The following SHISA6 variants were observed in gnomAD, a reference collection of about 807,000 sequenced individuals.
SHISA6 encodes the protein shisa family member 6, also known as protein shisa-6.
SHISA6 carries 22 observed loss-of-function variants against 47.9 expected under a neutral mutation model. The ratio of observed to expected loss-of-function variants is 0.46; its 90% CI spans 0.33 to 0.66. The LOEUF is 0.66. Among genes scored for constraint, SHISA6 ranks in the 30% least tolerant of loss-of-function variants. The probability of loss-of-function intolerance (pLI) is 0.02; values close to 1 mark genes in which losing one functional copy is unlikely to be tolerated. For synonymous variants in SHISA6, 388 were observed against 337.8 expected (o/e 1.15, Z -1.63); for missense variants, 680 against 764.6 (o/e 0.89, Z 1.30).
At chr17:11,285,505 G>A (rs552026598) in intron 2 of SHISA6, among the ~76,000 whole-genome samples, 1 of 152,270 alleles carries the variant, frequency 6.6e-6, no homozygotes, top group East Asian at 1.9e-4. Flanking sequence ...TAATGATTTT[G>A]ACACCTTTTA....
At chr17:11,274,684 A>G (rs1908811507) in intron 2 of SHISA6, among the ~76,000 whole-genome samples, 1 of 152,210 alleles carries the variant, frequency 6.6e-6, no homozygotes, top group South Asian at 2.1e-4. Flanking sequence ...CCAACTGTGT[A>G]CTGAACACTT....
chr17:11,399,358 A>G (rs1025734120), intron 3 of SHISA6, among the ~76,000 whole-genome samples: 1 of 152,162 alleles, frequency 6.6e-6, no homozygotes, highest in African/African-American at 2.4e-5. Flanking sequence ...GTAGGACTCA[A>G]TATTGTGTCA....
chr17:11,405,757 C>T (rs762945019), intron 3 of SHISA6, among the ~76,000 whole-genome samples: 1 of 151,420 alleles, frequency 6.6e-6, no homozygotes, highest in Non-Finnish European at 1.5e-5. Flanking sequence ...GTCGAGACCA[C>T]GTTCTAGCCT....
At chr17:11,410,651 T>C (rs1914089022) in intron 3 of SHISA6, among the ~76,000 whole-genome samples, 1 of 152,150 alleles carries the variant, frequency 6.6e-6, no homozygotes, top group African/African-American at 2.4e-5. Flanking sequence ...ATCCCTTAGG[T>C]CCAGGACGCC....
chr17:11,548,440 C>CATATATATATATATATATAT (rs10578711), intron 3 of SHISA6, among the ~76,000 whole-genome samples: 1 of 148,554 alleles, frequency 6.7e-6, no homozygotes, highest in African/African-American at 2.5e-5. Context: ...ATGCATATTT[C>CATATATATATATATATATAT]ATATATATAT....
intron 3 of SHISA6, among the ~76,000 whole-genome samples, chr17:11,464,520 TG>T (rs1358769915): frequency 6.6e-6 from 1 of 152,176 alleles, no homozygotes; most frequent in Non-Finnish European, 1.5e-5. Context: ...TGCAGGCCCC[TG>T]TCTATACACA....
intron 2 of SHISA6, among the ~76,000 whole-genome samples, chr17:11,376,885 C>T (rs909111448): frequency 6.6e-6 from 1 of 152,138 alleles, no homozygotes; most frequent in Non-Finnish European, 1.5e-5. Context: ...ATTCTGGAGC[C>T]GGGACCCTGC....
chr17:11,468,553 T>C (rs916438686), intron 3 of SHISA6, among the ~76,000 whole-genome samples: 37 of 152,126 alleles, frequency 2.4e-4, no homozygotes, highest in Non-Finnish European at 4.9e-4. Context: ...CTGGGGATTA[T>C]TCCTGGAGAA....
chr17:11,253,187 G>A (rs916043773), intron 1 of SHISA6, among the ~76,000 whole-genome samples: 13 of 152,124 alleles, frequency 8.5e-5, no homozygotes, highest in African/African-American at 2.7e-4. Context: ...GTTCTGTCGA[G>A]CTGTGTTCCT....
At chr17:11,511,340 G>A (rs2071539841) in intron 3 of SHISA6, among the ~76,000 whole-genome samples, 1 of 152,006 alleles carries the variant, frequency 6.6e-6, no homozygotes, top group Admixed American at 6.6e-5. Context: ...AACGCATGAG[G>A]GACTTAAAAC....
At chr17:11,551,155 G>A (rs770057452) in intron 3 of SHISA6, among the ~76,000 whole-genome samples, 11 of 152,228 alleles carry the variant, frequency 7.2e-5, no homozygotes, top group Non-Finnish European at 1.3e-4. Context: ...TAGAATGCCA[G>A]AGTGCACTGT....
At chr17:11,421,460 T>G (rs1161346272) in intron 3 of SHISA6, among the ~76,000 whole-genome samples, 1 of 152,186 alleles carries the variant, frequency 6.6e-6, no homozygotes, top group Non-Finnish European at 1.5e-5. Flanking sequence ...GGCTTACAGC[T>G]CATACCATGA....
intron 2 of SHISA6, among the ~76,000 whole-genome samples, chr17:11,300,149 C>CAAAAAAAAAAAAAAAAGAAAAAA (rs1909874387): frequency 7.7e-6 from 1 of 129,162 alleles, no homozygotes. Context: ...CATCTTAAAA[C>CAAAAAAAAAAAAAAAAGAAAAAA]AAAAAAAAAA....
chr17:11,253,139 G>A (rs1300106678), intron 1 of SHISA6, among the ~76,000 whole-genome samples: 2 of 152,148 alleles, frequency 1.3e-5, no homozygotes, highest in Non-Finnish European at 2.9e-5. Flanking sequence ...GTCCACTGCT[G>A]TGTCTTCTCC....
chr17:11,529,576 G>A (rs1318210979), intron 3 of SHISA6, among the ~76,000 whole-genome samples: 1 of 152,144 alleles, frequency 6.6e-6, no homozygotes, highest in Admixed American at 6.5e-5. Context: ...TAATCTCTTT[G>A]AGCATATCCC....
At chr17:11,270,254 G>A (rs772428239) in intron 2 of SHISA6, among the ~76,000 whole-genome samples, 2 of 152,236 alleles carry the variant, frequency 1.3e-5, no homozygotes, top group Non-Finnish European at 1.5e-5. Context: ...GATTACAGGC[G>A]TGAGCCGCCG....
intron 3 of SHISA6, among the ~76,000 whole-genome samples, chr17:11,480,874 G>A (rs981650381): frequency 6.6e-6 from 1 of 152,104 alleles, no homozygotes. Flanking sequence ...AATTGTGACA[G>A]GTGTCTTATT....
chr17:11,300,983 C>G (rs1408501947), intron 2 of SHISA6, among the ~76,000 whole-genome samples: 1 of 151,922 alleles, frequency 6.6e-6, no homozygotes, highest in African/African-American at 2.4e-5. Context: ...AACAAACAGC[C>G]TTTAATACCA....
intron 3 of SHISA6, among the ~76,000 whole-genome samples, chr17:11,431,720 G>A (rs1168228238): frequency 6.6e-6 from 1 of 152,154 alleles, no homozygotes; most frequent in Non-Finnish European, 1.5e-5. Context: ...TTAAACCTAA[G>A]TTATTCAGTC....
Sources: gnomAD v4.1 joint callset for allele counts (sites outside exome capture counted in the v4.1 genomes callset) on GRCh38, gnomAD v4.1.1 for gene constraint, MANE v1.5 for transcripts, NCBI Gene and HGNC (gene_info 2026-07-23, HGNC 2026-07-21) for gene names.